CAST: variants seen among roughly 807,000 people sequenced by gnomAD.
The protein encoded by CAST is MIR583 host.
Under a neutral mutation model 119.6 loss-of-function variants are expected in CAST, and 76 were observed. That is an observed-to-expected ratio of 0.64 (90% CI 0.53 to 0.77). The LOEUF (loss-of-function observed/expected upper bound fraction) is 0.77. CAST is among the 30% of genes least tolerant of loss of function. The pLI, the probability that CAST is intolerant of heterozygous loss-of-function variation, is 0.00. For missense variants in CAST, 953 were observed against 946.5 expected, an observed-to-expected ratio of 1.01 and a Z score of -0.09; for synonymous variants, 319 against 331.6, an observed-to-expected ratio of 0.96 and a Z score of 0.41.
chr5:96,647,976 C>T (rs1748039960), intron 1 of CAST, among the ~76,000 whole-genome samples: 1 of 152,176 alleles, frequency 6.6e-6, no homozygotes, highest in Non-Finnish European at 1.5e-5. Flanking sequence ...CAATTCTTTC[C>T]TATACTAGGA....
At chr5:96,065,340 G>A in the CAST span, among the ~76,000 whole-genome samples, 4 of 151,842 alleles carry the variant, frequency 2.6e-5, no homozygotes, top group African/African-American at 9.7e-5. Context: ...TACTGGGGGA[G>A]GTACTCAAGA....
chr5:96,745,178 GA>G (rs1763506845), intron 16 of CAST, among the ~76,000 whole-genome samples: 2 of 152,116 alleles, frequency 1.3e-5, no homozygotes, highest in African/African-American at 4.8e-5. Flanking sequence ...TCCATGACAG[GA>G]TTTCTCCAGA....
chr5:96,549,921 G>T (rs1240240389), intron 1 of CAST, among the ~76,000 whole-genome samples: 2 of 152,240 alleles, frequency 1.3e-5, no homozygotes, highest in African/African-American at 4.8e-5. Flanking sequence ...ACTGGGCAGA[G>T]CCCACTGTAG....
chr5:96,588,251 G>A (rs1435346529), intron 1 of CAST, among the ~76,000 whole-genome samples: 1 of 133,280 alleles, frequency 7.5e-6, no homozygotes, highest in African/African-American at 2.9e-5. Flanking sequence ...TGCCAGGCTG[G>A]AGTGCAGTGG....
rs1761980625 is a variant in CAST, at chr5:96,737,931, C to T, written c.782C>T (p.Thr261Ile). The T allele has an allele frequency of 6.3e-7, 1 of 1,588,464 alleles. No individual in the cohort carries two copies. The highest frequency in any genetic ancestry group is 8.6e-7 in the Non-Finnish European group (1 of 1,157,090). The change falls in exon 11 of 32, where the codon ACT becomes ATT. Residue 261 changes from threonine (T) to isoleucine (I), a missense_variant. Thr to Ile is a moderately conservative substitution (Grantham distance 89, BLOSUM62 -1). Coordinates refer to ENST00000675179, the MANE Select transcript of CAST (RefSeq NM_001750.7). ...EETEEENTTYTGPEVSDPMSS... is the reference protein window; with the variant it reads ...EETEEENTTYIGPEVSDPMSS... ...ACTGAAGAAGAAAATACAACGTATA[C>T]TGGACCAGAAGTTTCAGTATGTGAT... is the stretch of plus-strand genomic sequence containing the variant.
chr5:96,714,465 C>T (rs1334247257), intron 3 of CAST, among the ~76,000 whole-genome samples: 3 of 152,240 alleles, frequency 2.0e-5, no homozygotes, highest in African/African-American at 7.2e-5. Context: ...CTCCAAGTCA[C>T]ATGGCTAGTC....
intron 1 of CAST, among the ~76,000 whole-genome samples, chr5:96,597,644 C>A (rs557899222): frequency 1.8e-4 from 28 of 152,348 alleles, no homozygotes; most frequent in African/African-American, 6.5e-4. Flanking sequence ...CCGTGATGAA[C>A]TTTCCATTGA....
At chr5:96,110,105 C>T in the CAST span, among the ~76,000 whole-genome samples, 1 of 152,160 alleles carries the variant, frequency 6.6e-6, no homozygotes, top group Non-Finnish European at 1.5e-5. Flanking sequence ...TTCCCAAAAA[C>T]TCTCCATACA....
the CAST span, among the ~76,000 whole-genome samples, chr5:96,068,510 T>C: frequency 6.6e-6 from 1 of 151,692 alleles, no homozygotes; most frequent in Non-Finnish European, 1.5e-5. Context: ...TTACTAAACA[T>C]CTGATATGGG....
the CAST span, among the ~76,000 whole-genome samples, chr5:96,384,287 A>G: frequency 1.3e-5 from 2 of 152,208 alleles, no homozygotes; most frequent in East Asian, 1.9e-4. Context: ...AGGAAGCACA[A>G]TTCTCATCAG....
the CAST span, chr5:96,394,823 C>A: frequency 5.0e-6 from 8 of 1,594,994 alleles, no homozygotes; most frequent in African/African-American, 6.7e-5. Context: ...TTGTCTACCC[C>A]AGTTCAAAAG....
In CAST at chr5:96,561,797, T is replaced by TTTTTTTTTTG. The variant is rs1554067793; in HGVS notation, c.60+31926_60+31927insGTTTTTTTTT. ...TGTATTATATATATGTTTTTTTTTGTTTTTTTTTTTTTTGAGACGGAGTCT... is the reference window on the plus strand; with the variant it reads ...TGTATTATATATATGTTTTTTTTTGTTTTTTTTTTGTTTTTTTTTTTTTGAGACGGAGTCT... On this transcript the variant is annotated intron_variant, in intron 1 of 11. Coordinates refer to the CAST transcript ENST00000505143. Among the ~76,000 whole-genome samples the TTTTTTTTTTG allele has an allele frequency of 2.6e-3, 202 of 76,634 alleles. 30 individuals are homozygous for TTTTTTTTTTG. In the South Asian group the frequency reaches 0.089, roughly 34 times the overall value. The allele number at this position is 76,634 out of a possible 152,430, so 50.3% of individuals were successfully genotyped here. A position where few individuals can be genotyped will look rare whatever the true frequency, so the allele number is the denominator to read the frequency against.
At chr5:96,500,169 C>A in the CAST span, among the ~76,000 whole-genome samples, 5 of 152,196 alleles carry the variant, frequency 3.3e-5, no homozygotes, top group East Asian at 9.6e-4. Flanking sequence ...AAACGTTTTG[C>A]AATGTTTTGA....
chr5:96,496,896 C>T, the CAST span, among the ~76,000 whole-genome samples: 1 of 151,650 alleles, frequency 6.6e-6, no homozygotes, highest in Admixed American at 6.6e-5. Context: ...TTTTAGAGTA[C>T]ATGTGCACGA....
At chr5:96,291,868 G>GTC in the CAST span, among the ~76,000 whole-genome samples, 1 of 151,584 alleles carries the variant, frequency 6.6e-6, no homozygotes, top group Non-Finnish European at 1.5e-5. Context: ...GTGTGTGTGT[G>GTC]TGTGTGTGTG....
chr5:96,635,205 C>T (rs1747871187), intron 1 of CAST, among the ~76,000 whole-genome samples: 2 of 152,208 alleles, frequency 1.3e-5, no homozygotes, highest in Admixed American at 1.3e-4. Flanking sequence ...AGATTTGAAA[C>T]TTCTTTACCT....
the CAST span, among the ~76,000 whole-genome samples, chr5:96,354,428 T>C: frequency 1.3e-5 from 2 of 152,152 alleles, no homozygotes; most frequent in Non-Finnish European, 2.9e-5. Context: ...CTTCAACTGA[T>C]TGGTATTGAC....
Position 96,762,326 on chromosome 5 carries a change from C to T in CAST, c.1886C>T (p.Thr629Ile). 6.2e-7 allele frequency: 1 copy of T among 1,608,370 alleles called. No individual in the cohort carries two copies. Among genetic ancestry groups the T allele is most frequent in the Non-Finnish European group, 8.5e-7 (1 of 1,178,120 alleles). ...AAAISEVVSQ[T>I]PASTTQAGAP... is the part of the protein sequence containing the mutation. ...GCCATCTCTGAAGTGGTTTCCCAAA[C>T]CCCAGCTTCAACGACCCAAGCTGGA... The change falls in exon 25 of 32, where the codon ACC (threonine) becomes ATC (isoleucine). Residue 629 changes from threonine to isoleucine, a missense_variant. Thr to Ile is a moderately conservative substitution (Grantham distance 89). Coordinates refer to ENST00000675179, the MANE Select transcript of CAST (RefSeq NM_001750.7).
the CAST span, among the ~76,000 whole-genome samples, chr5:96,444,759 T>C: frequency 6.6e-6 from 1 of 152,228 alleles, no homozygotes; most frequent in African/African-American, 2.4e-5. Flanking sequence ...ATTTATTTTT[T>C]TATTTTTTGC....
Sources: gnomAD v4.1 joint callset for allele counts (sites outside exome capture counted in the v4.1 genomes callset) on GRCh38, gnomAD v4.1.1 for gene constraint, MANE v1.5 for transcripts, NCBI Gene and HGNC (gene_info 2026-07-23, HGNC 2026-07-21) for gene names.